The following CRYBG1 variants were observed in gnomAD, a reference collection of about 807,000 sequenced individuals.
CRYBG1 encodes the protein beta/gamma crystallin domain-containing protein 1.
Under a neutral mutation model 189.2 loss-of-function variants are expected in CRYBG1, and 139 were observed. The observed-to-expected ratio is 0.73, with a 90% confidence interval of 0.64 to 0.85. The LOEUF is 0.85. Among genes scored for constraint, CRYBG1 ranks in the 40% least tolerant of loss-of-function variants. CRYBG1 has a pLI of 0.00. For missense variants in CRYBG1, 2,611 were observed against 2,675.8 expected, an observed-to-expected ratio of 0.98 and a Z score of 0.53; for synonymous variants, 1,023 against 1,017.1, an observed-to-expected ratio of 1.01 and a Z score of -0.11.
At chr6:106,552,964 G>A (rs1386428301) in intron 15 of CRYBG1, among the ~76,000 whole-genome samples, 3 of 151,964 alleles carry the variant, frequency 2.0e-5, no homozygotes, top group African/African-American at 7.3e-5. Context: ...TTGTTATTTC[G>A]GCCTTTTAAT....
intron 8 of CRYBG1, among the ~76,000 whole-genome samples, chr6:106,533,662 TG>T (rs1368116604): frequency 6.6e-6 from 1 of 152,108 alleles, no homozygotes; most frequent in Non-Finnish European, 1.5e-5. Context: ...AGATTGTGTG[TG>T]GGGTATGAGG....
At chr6:106,383,367 G>A (rs1465427231) in intron 1 of CRYBG1, among the ~76,000 whole-genome samples, 3 of 152,180 alleles carry the variant, frequency 2.0e-5, no homozygotes, top group Non-Finnish European at 4.4e-5. Flanking sequence ...GACTTGCCAA[G>A]GGCACCAGGC....
chr6:106,527,119 A>G (rs1344485974), intron 6 of CRYBG1, among the ~76,000 whole-genome samples, 186 bp from the exon 7 acceptor site: 1 of 152,144 alleles, frequency 6.6e-6, no homozygotes, highest in African/African-American at 2.4e-5. Context: ...TTCATGAGTT[A>G]TCAGAGGCTT....
chr6:106,464,563 T>C (rs118072622), intron 2 of CRYBG1, among the ~76,000 whole-genome samples: 2,578 of 151,978 alleles, frequency 0.017, 25 homozygotes, highest in Admixed American at 0.028. Context: ...TGAGAAACTT[T>C]TTCCTATTTG....
At chr6:106,371,099 A>T (rs904338246) in intron 1 of CRYBG1, among the ~76,000 whole-genome samples, 3 of 152,224 alleles carry the variant, frequency 2.0e-5, no homozygotes, top group Non-Finnish European at 4.4e-5. Flanking sequence ...ACTTAAAGTG[A>T]TAGAGCCTAT....
In CRYBG1 at chr6:106,553,563, G is replaced by C. The variant is rs566384473; in HGVS notation, c.5581G>C (p.Gly1861Arg). ...FSTKSCRVSG[G>R]SWVVYDGENF... Reference sequence around the variant, plus strand: ...TACCAAGTCTTGCAGAGTTTCAGGAGGCAGGTAAGTGAAACAAAGGCCTGG... The same window carrying C: ...TACCAAGTCTTGCAGAGTTTCAGGACGCAGGTAAGTGAAACAAAGGCCTGG... Residue 1861 changes from glycine to arginine, a missense_variant, in exon 16 of 22, where the codon GGC becomes CGC. Transcript: ENST00000633556. 2.5e-6 allele frequency: 4 copies of C among 1,606,286 alleles called. No homozygotes were observed. In the African/African-American group the frequency reaches 5.3e-5, roughly 21 times the overall value.
intron 8 of CRYBG1, among the ~76,000 whole-genome samples, chr6:106,531,938 G>A (rs1414338415): frequency 6.6e-6 from 1 of 152,188 alleles, no homozygotes; most frequent in African/African-American, 2.4e-5. Context: ...AGAATTTGGG[G>A]TGTAGAGAAC....
intron 1 of CRYBG1, among the ~76,000 whole-genome samples, chr6:106,370,541 T>C (rs1224907321): frequency 6.6e-6 from 1 of 152,218 alleles, no homozygotes; most frequent in African/African-American, 2.4e-5. Flanking sequence ...TGGCAATGAA[T>C]ACAGGTTCCA....
In CRYBG1 at chr6:106,521,345, A is replaced by C. The variant is rs367761608; in HGVS notation, c.4137A>C (p.Ser1379=). Residue 1379 remains serine (S), a synonymous_variant, in exon 4 of 22, where the codon TCA becomes TCC. Coordinates refer to ENST00000633556, the MANE Select transcript of CRYBG1 (RefSeq NM_001371242.2). ...KANHIESVIK[S]NLPNCANSDT... is the part of the protein sequence containing the mutation. ...ATCATATTGAAAGTGTTATTAAATC[A>C]AACTTGCCAAACTGTGCAAACAGTG... 19 of 1,614,056 alleles carry C rather than the reference A, an allele frequency of 1.2e-5. No homozygotes were observed. The African/African-American group carries it at 2.3e-4, about 19-fold the overall frequency.
In CRYBG1 at chr6:106,535,680, G is replaced by A. The variant is rs1036697838; in HGVS notation, c.4719-3723G>A. Among the ~76,000 whole-genome samples the A allele has an allele frequency of 5.3e-4, 80 of 151,696 alleles. 3 individuals are homozygous for A. The highest frequency in any genetic ancestry group is 4.2e-4 in the South Asian group (2 of 4,818). On this transcript the variant is annotated intron_variant, in intron 8 of 21. Coordinates refer to ENST00000633556, the MANE Select transcript of CRYBG1 (RefSeq NM_001371242.2). Reference sequence around the variant, plus strand: ...ATCCAATCAAGGTTCACATAAATGCGTTTGATTGTTCTGTCTCTTTTAAGT... The same window carrying A: ...ATCCAATCAAGGTTCACATAAATGCATTTGATTGTTCTGTCTCTTTTAAGT...
chr6:106,529,705 A>G (rs1185029179), intron 7 of CRYBG1, among the ~76,000 whole-genome samples: 1 of 152,178 alleles, frequency 6.6e-6, no homozygotes, highest in East Asian at 1.9e-4. Context: ...GATCAAACCA[A>G]TATCATAGAG....
At chr6:106,458,580 T>C (rs1771938311) in intron 2 of CRYBG1, among the ~76,000 whole-genome samples, 1 of 152,204 alleles carries the variant, frequency 6.6e-6, no homozygotes, top group Non-Finnish European at 1.5e-5. Flanking sequence ...TTTTCATGAA[T>C]GAAATGCATA....
rs911494500 is a variant in CRYBG1 at position 106,535,131 on chromosome 6, C to A, written c.4719-4272C>A. Reference sequence around the variant, plus strand: ...CTATGAAGCCCAATAATAAAACAATCCCCCGTGGACCCACCATCCAACTTA... The same window carrying A: ...CTATGAAGCCCAATAATAAAACAATACCCCGTGGACCCACCATCCAACTTA... On this transcript the variant is annotated intron_variant, in intron 8 of 21. Coordinates refer to ENST00000633556, the MANE Select transcript of CRYBG1 (RefSeq NM_001371242.2). 2.6e-5 allele frequency among the ~76,000 whole-genome samples: 4 copies of A among 152,052 alleles called. No homozygotes were observed. The South Asian group carries it at 8.3e-4, about 32-fold the overall frequency.
At chr6:106,451,623 G>A (rs1182823268) in intron 1 of CRYBG1, 71 bp from the exon 2 acceptor site, 4 of 1,335,750 alleles carry the variant, frequency 3.0e-6, no homozygotes, top group Non-Finnish European at 4.0e-6. Flanking sequence ...GGAGAAATAT[G>A]CCTTTGGGTT....
At chr6:106,424,533 C>T (rs1480749235) in intron 1 of CRYBG1, among the ~76,000 whole-genome samples, 1 of 152,144 alleles carries the variant, frequency 6.6e-6, no homozygotes, top group African/African-American at 2.4e-5. Context: ...GCAATCTCAG[C>T]TCACTGCAAC....
At chr6:106,509,333 C>T (rs554458436) in intron 2 of CRYBG1, among the ~76,000 whole-genome samples, 1 of 152,268 alleles carries the variant, frequency 6.6e-6, no homozygotes, top group East Asian at 1.9e-4. Flanking sequence ...CATGTCATAC[C>T]TTTGACTTGT....
chr6:106,436,180 TACAG>T (rs67901872), intron 1 of CRYBG1, among the ~76,000 whole-genome samples: 88,447 of 151,574 alleles, frequency 0.58, 26,645 homozygotes, highest in East Asian at 0.74. Flanking sequence ...TTTCGGAAAA[TACAG>T]AAAGAACAGA....
intron 15 of CRYBG1, 68 bp downstream of exon 15, chr6:106,552,284 T>G: frequency 8.4e-7 from 1 of 1,187,724 alleles, no homozygotes. Context: ...GAACTTATGT[T>G]TCAAATGTCA....
intron 2 of CRYBG1, among the ~76,000 whole-genome samples, chr6:106,506,081 G>A (rs1049083966): frequency 6.6e-5 from 10 of 152,318 alleles, no homozygotes; most frequent in African/African-American, 2.4e-4. Flanking sequence ...CCATCAACAC[G>A]TGGAATCCTC....
Sources: gnomAD v4.1 joint callset for allele counts (sites outside exome capture counted in the v4.1 genomes callset) on GRCh38, gnomAD v4.1.1 for gene constraint, MANE v1.5 for transcripts, NCBI Gene and HGNC (gene_info 2026-07-23, HGNC 2026-07-21) for gene names.